The following MED28 variants were observed in gnomAD, a reference collection of about 807,000 sequenced individuals.
MED28 encodes mediator complex subunit 28, also known as mediator of RNA polymerase II transcription subunit 28.
In MED28, 26 loss-of-function variants were observed where a neutral mutation model predicts 21.3. The observed-to-expected ratio is 1.22, with a 90% CI of 0.89 to 1.69. The LOEUF is 1.69. MED28 is among the 40% of genes most tolerant of loss of function. The probability of loss-of-function intolerance (pLI) is 0.00; values close to 1 mark genes in which losing one functional copy is unlikely to be tolerated. For synonymous variants in MED28, 110 were observed against 87.6 expected (o/e 1.26, Z -1.43); for missense variants, 257 against 215.4 (o/e 1.19, Z -1.21).
At chr4:17,621,486 TGA>T in intron 2 of MED28, 99 bp from the exon 3 acceptor site, 1 of 754,092 alleles carries the variant, frequency 1.3e-6, no homozygotes, top group East Asian at 2.8e-5. Flanking sequence ...GAGTTGTCTA[TGA>T]GAGGGCTTTG....
At chr4:17,615,865 A>G (rs1371330059) in intron 1 of MED28, among the ~76,000 whole-genome samples, 1 of 152,262 alleles carries the variant, frequency 6.6e-6, no homozygotes, top group East Asian at 1.9e-4. Flanking sequence ...TGACTTTTGT[A>G]TTGTATCTAA....
At chr4:17,620,533 A>G (rs1358364943) in intron 2 of MED28, among the ~76,000 whole-genome samples, 13 of 152,102 alleles carry the variant, frequency 8.5e-5, no homozygotes. Flanking sequence ...GGGTTTCGCC[A>G]TGTTGGCCAG....
In MED28 at chr4:17,633,413, A is replaced by G. The variant is rs185754497; in HGVS notation, c.*9615A>G. 1.3e-5 allele frequency: 4 copies of G among 297,224 alleles called. No homozygotes were observed. Among genetic ancestry groups the G allele is most frequent in the East Asian group, 1.2e-4 (2 of 16,508 alleles). The allele number at this position is 297,224 out of a possible 1,614,324, so 18.4% of individuals were successfully genotyped here. On this transcript the variant is annotated 3_prime_UTR_variant, in exon 4 of 4. Coordinates refer to ENST00000237380, the MANE Select transcript of MED28 (RefSeq NM_025205.5). Reference sequence around the variant, plus strand: ...ATTATCTTAATTTTAAAGGCAAGGTATATGGAGACCTGGAGAGGTCAAGTG... The same window carrying G: ...ATTATCTTAATTTTAAAGGCAAGGTGTATGGAGACCTGGAGAGGTCAAGTG...
At chr4:17,620,441 C>G (rs74772193) in intron 2 of MED28, among the ~76,000 whole-genome samples, 3,359 of 150,106 alleles carry the variant, frequency 0.022, 119 homozygotes, top group African/African-American at 0.077. Context: ...TCAGGCAGTT[C>G]TCTTGTCTCA....
At chr4:17,616,114 C>A (rs1168398828) in intron 1 of MED28, among the ~76,000 whole-genome samples, 1 of 152,092 alleles carries the variant, frequency 6.6e-6, no homozygotes, top group Non-Finnish European at 1.5e-5. Flanking sequence ...GCACCTGCCA[C>A]CATGCTATTT....
chr4:17,624,107 G>T lies in MED28; in HGVS notation c.*309G>T. The stretch of plus-strand genomic sequence containing the variant: ...CTTTGCTTGTTTTAAATTTTTGCAT[G>T]ACTTTTCATCTTTTTATGTGTGTTT... On this transcript the variant is annotated 3_prime_UTR_variant, in exon 4 of 4. Transcript: ENST00000237380. The T allele has an allele frequency of 5.8e-6, 2 of 347,684 alleles. No individual in the cohort carries two copies. Among genetic ancestry groups the T allele is most frequent in the Non-Finnish European group, 5.4e-6 (1 of 186,352 alleles). The allele number at this position is 347,684 out of a possible 1,614,324, so 21.5% of individuals were successfully genotyped here. A position where few individuals can be genotyped will look rare whatever the true frequency, so the allele number is the denominator to read the frequency against.
At chr4:17,622,829 C>T (rs113384333) in intron 3 of MED28, among the ~76,000 whole-genome samples, 7,443 of 152,240 alleles carry the variant, frequency 0.049, 598 homozygotes, top group African/African-American at 0.17. Flanking sequence ...ACACATCTCA[C>T]ATGGTGGCAG....
Position 17,628,356 on chromosome 4 carries a change from A to C in MED28, c.*4558A>C, listed in dbSNP as rs761747466. 6.6e-6 allele frequency: 1 copy of C among 151,692 alleles called. No homozygotes were observed. Among genetic ancestry groups the C allele is most frequent in the Non-Finnish European group, 1.5e-5 (1 of 67,990 alleles). 9.4% of individuals were successfully genotyped at this position (151,692 alleles called of 1,614,324 possible). A position where few individuals can be genotyped will look rare whatever the true frequency, so the allele number is the denominator to read the frequency against. ...TATATATGTGTGTGTGTATATATAT[A>C]TATGCAATTATACCTTTATCCCTAC... On this transcript the variant is annotated 3_prime_UTR_variant, in exon 4 of 4. Coordinates refer to ENST00000237380, the MANE Select transcript of MED28 (RefSeq NM_025205.5).
At chr4:17,621,990 C>CA (rs1416059468) in intron 3 of MED28, among the ~76,000 whole-genome samples, 7 of 152,168 alleles carry the variant, frequency 4.6e-5, no homozygotes, top group African/African-American at 1.7e-4. Flanking sequence ...GAAAAAAGGA[C>CA]AAAAAGCCAC....
At chr4:17,615,032 C>T (rs1714406667) in intron 1 of MED28, among the ~76,000 whole-genome samples, 1 of 152,174 alleles carries the variant, frequency 6.6e-6, no homozygotes, top group South Asian at 2.1e-4. Flanking sequence ...GAAACGTGAA[C>T]CCGAAGTTTG....
At position 17,632,695 on chromosome 4, in the gene MED28, CT is replaced by C; in HGVS notation, c.*8901del. 1 of 1,015,240 alleles carries C rather than the reference CT, an allele frequency of 9.8e-7. No individual in the cohort carries two copies. The highest frequency in any genetic ancestry group is 2.7e-5 in the East Asian group (1 of 37,170). 62.9% of individuals were successfully genotyped at this position (1,015,240 alleles called of 1,614,324 possible). A position where few individuals can be genotyped will look rare whatever the true frequency, so the allele number is the denominator to read the frequency against. ...CAAGAAGCAGCTTAATACCCACCAT[CT>C]TTTCAGGGAAAGATAACTGCTTGTT... On this transcript the variant is annotated 3_prime_UTR_variant, in exon 4 of 4. Transcript: ENST00000237380.
At chr4:17,617,312 C>G (rs1039833904) in intron 1 of MED28, among the ~76,000 whole-genome samples, 1 of 152,236 alleles carries the variant, frequency 6.6e-6, no homozygotes, top group South Asian at 2.1e-4. Flanking sequence ...TGGCACATAG[C>G]AGCACCTACT....
intron 1 of MED28, among the ~76,000 whole-genome samples, chr4:17,615,021 G>T (rs1478761708): frequency 6.6e-6 from 1 of 152,170 alleles, no homozygotes; most frequent in Non-Finnish European, 1.5e-5. Context: ...CGACGTTTGT[G>T]GAAACGTGAA....
In MED28 at chr4:17,630,358, G is replaced by A. The variant is rs576917022; in HGVS notation, c.*6560G>A. The stretch of plus-strand genomic sequence containing the variant: ...GGCTTTTGGGAAGCAATGGAGTCAT[G>A]AGGGCTTCACCCTCATGAGTAGGAT... On this transcript the variant is annotated 3_prime_UTR_variant, in exon 4 of 4. Coordinates refer to ENST00000237380, the MANE Select transcript of MED28 (RefSeq NM_025205.5). The A allele has an allele frequency of 6.6e-6, 1 of 152,278 alleles. No homozygotes were observed. The highest frequency in any genetic ancestry group is 2.4e-5 in the African/African-American group (1 of 41,576). 9.4% of individuals were successfully genotyped at this position (152,278 alleles called of 1,614,324 possible). A position where few individuals can be genotyped will look rare whatever the true frequency, so the allele number is the denominator to read the frequency against.
intron 1 of MED28, among the ~76,000 whole-genome samples, chr4:17,617,311 G>A (rs1254965786): frequency 2.6e-5 from 4 of 152,216 alleles, no homozygotes; most frequent in African/African-American, 9.6e-5. Context: ...GTGGCACATA[G>A]CAGCACCTAC....
chr4:17,630,131 C>G lies in MED28; in HGVS notation c.*6333C>G, dbSNP rs890218088. ...ATTTTCTCCTTGCCCAGGGATCATG[C>G]TGAGTTTAAGGACAGAAATGCAAAG... On this transcript the variant is annotated 3_prime_UTR_variant, in exon 4 of 4. Coordinates refer to ENST00000237380, the MANE Select transcript of MED28 (RefSeq NM_025205.5). The G allele has an allele frequency of 1.3e-5, 2 of 152,182 alleles. No homozygotes were observed. Among genetic ancestry groups the G allele is most frequent in the Non-Finnish European group, 2.9e-5 (2 of 68,032 alleles). 9.4% of individuals were successfully genotyped at this position (152,182 alleles called of 1,614,324 possible). A position where few individuals can be genotyped will look rare whatever the true frequency, so the allele number is the denominator to read the frequency against.
chr4:17,619,961 C>T lies in MED28; in HGVS notation c.220C>T (p.Arg74Ter), dbSNP rs1342630257. 6.2e-6 allele frequency: 10 copies of T among 1,613,780 alleles called. No individual in the cohort carries two copies. Among genetic ancestry groups the T allele is most frequent in the South Asian group, 4.4e-5 (4 of 91,072 alleles). Residue 74 changes from arginine to a stop codon, truncating the protein, a stop_gained, in exon 2 of 4, where the codon CGA (arginine) becomes TGA (stop). Coordinates refer to ENST00000237380, the MANE Select transcript of MED28 (RefSeq NM_025205.5). LOFTEE classifies it high-confidence loss of function. ...CAATGGCACCGATCAGGAAGAAATT[C>T]GAACCGGTAAGCATTCCCTCTGTGT... Reference protein sequence around the residue: ...YVNGTDQEEIRTGVDQCIQKF... With the variant: ...YVNGTDQEEI
chr4:17,623,694 G>A lies in MED28; in HGVS notation c.433G>A (p.Asp145Asn), dbSNP rs1219122365. The A allele has an allele frequency of 6.2e-7, 1 of 1,614,084 alleles. No homozygotes were observed. Among genetic ancestry groups the A allele is most frequent in the African/African-American group, 1.3e-5 (1 of 74,934 alleles). ...KLRHWQQVLEDINVQHKKPAD... is the reference protein window; with the variant it reads ...KLRHWQQVLENINVQHKKPAD... ...GAGGCATTGGCAGCAGGTGCTGGAG[G>A]ACATCAACGTGCAGCACAAAAAGCC... is the stretch of plus-strand genomic sequence containing the variant. The change falls in exon 4 of 4, where the codon GAC becomes AAC. Residue 145 changes from aspartate (D) to asparagine (N), a missense_variant. Coordinates refer to ENST00000237380, the MANE Select transcript of MED28 (RefSeq NM_025205.5).
rs1404741334 is a variant in MED28 at position 17,628,642 on chromosome 4, A to G, written c.*4844A>G. The G allele has an allele frequency of 6.6e-6, 1 of 152,040 alleles. No individual in the cohort carries two copies. The highest frequency in any genetic ancestry group is 6.6e-5 in the Admixed American group (1 of 15,258). The allele number at this position is 152,040 out of a possible 1,614,324, so 9.4% of individuals were successfully genotyped here. On this transcript the variant is annotated 3_prime_UTR_variant, in exon 4 of 4. Transcript: ENST00000237380. ...CCCCCAGTGAATGTCTTGCACTTCT[A>G]ATTGTGTCTCGGGGCATGCCTGGTG...
Sources: gnomAD v4.1 joint callset for allele counts (sites outside exome capture counted in the v4.1 genomes callset) on GRCh38, gnomAD v4.1.1 for gene constraint, MANE v1.5 for transcripts, NCBI Gene and HGNC (gene_info 2026-07-23, HGNC 2026-07-21) for gene names.